Variants in NUTM2E observed in about 807,000 individuals in gnomAD.
The protein encoded by NUTM2E is family with sequence similarity 22, member E.
A neutral mutation model predicts 26.1 loss-of-function variants in NUTM2E; 3 were observed. The observed-to-expected ratio is 0.12, with a 90% confidence interval of 0.05 to 0.30. The LOEUF (loss-of-function observed/expected upper bound fraction) is 0.30. Among genes scored for constraint, NUTM2E ranks in the 10% least tolerant of loss-of-function variants. The pLI is 1.00. For synonymous variants in NUTM2E, 13 were observed against 157.5 expected, an observed-to-expected ratio of 0.08 and a Z score of 6.87; for missense variants, 62 against 381.3, an observed-to-expected ratio of 0.16 and a Z score of 6.97.
rs543457176 is a variant in NUTM2E at position 79,838,346 on chromosome 10, G to C, written c.-2690G>C. Among the ~76,000 whole-genome samples the C allele has an allele frequency of 5.2e-4, 41 of 78,492 alleles. 1 individual carries two copies. Among genetic ancestry groups the C allele is most frequent in the African/African-American group, 1.7e-3 (41 of 24,438 alleles). 51.5% of individuals were successfully genotyped at this position (78,492 alleles called of 152,430 possible). A position where few individuals can be genotyped will look rare whatever the true frequency, so the allele number is the denominator to read the frequency against. On this transcript the variant is annotated 5_prime_UTR_variant, in exon 2 of 10. The change abolishes an upstream ATG in the 5' untranslated region. Transcript: ENST00000429984. ...GTGACAAATCAGTGTATTAGAACAT[G>C]CATGCTGGCTGATCATTCTGATCAA...
intron 1 of NUTM2E, among the ~76,000 whole-genome samples, chr10:79,833,231 C>T (rs2260565): frequency 5.9e-5 from 9 of 151,836 alleles, no homozygotes; most frequent in South Asian, 2.1e-4. Context: ...AGATTTAAAG[C>T]GTTACCATTA....
chr10:79,834,176 T>C (rs1589306970), intron 1 of NUTM2E, among the ~76,000 whole-genome samples: 1 of 147,712 alleles, frequency 6.8e-6, no homozygotes, highest in African/African-American at 2.5e-5. Context: ...CGTGGGCACA[T>C]GGAGGGAAAC....
At chr10:79,833,505 C>A (rs1033156864) in intron 1 of NUTM2E, among the ~76,000 whole-genome samples, 1 of 151,394 alleles carries the variant, frequency 6.6e-6, no homozygotes, top group Admixed American at 6.6e-5. Context: ...AGAATTTAAA[C>A]AAATTCACAA....
chr10:79,830,460 G>A (rs878879016), intron 1 of NUTM2E, among the ~76,000 whole-genome samples: 3 of 151,676 alleles, frequency 2.0e-5, no homozygotes, highest in Non-Finnish European at 2.9e-5. Context: ...GTAAAAACAC[G>A]TAAAATAACT....
chr10:79,834,815 T>TAC (rs71925965), intron 1 of NUTM2E, among the ~76,000 whole-genome samples: 4,498 of 145,876 alleles, frequency 0.031, 195 homozygotes, highest in African/African-American at 0.089. Context: ...ACAGAATACC[T>TAC]ACACACACAC....
chr10:79,827,795 GTTTT>G (rs57414762), intron 1 of NUTM2E, among the ~76,000 whole-genome samples: 19 of 127,762 alleles, frequency 1.5e-4, no homozygotes, highest in East Asian at 4.6e-4. Flanking sequence ...TTTTTTTTTT[GTTTT>G]TTTTTTTTTG....
intron 1 of NUTM2E, chr10:79,827,687 C>G (rs1396015461): frequency 1.3e-5 from 2 of 150,194 alleles, no homozygotes; most frequent in African/African-American, 4.9e-5. Flanking sequence ...CCAGAAAGAA[C>G]TAACAAATTC....
chr10:79,849,057 GGTTT>G (rs1183436121), intron 8 of NUTM2E, among the ~76,000 whole-genome samples, 162 bp downstream of exon 8: 2 of 112,256 alleles, frequency 1.8e-5, no homozygotes, highest in Admixed American at 8.5e-5. Context: ...TTGTGTCTGT[GGTTT>G]GTTACTGTGT....
In NUTM2E at chr10:79,830,045, A is replaced by G. The variant is rs189952695; in HGVS notation, c.-2728+2688A>G. Among the ~76,000 whole-genome samples, 166 of 151,892 alleles carry G rather than the reference A, an allele frequency of 1.1e-3. 1 individual carries two copies. Among genetic ancestry groups the G allele is most frequent in the African/African-American group, 3.8e-3 (157 of 41,492 alleles). On this transcript the variant is annotated intron_variant, in intron 1 of 9. Transcript: ENST00000429984. The stretch of plus-strand genomic sequence containing the variant: ...ATACCTTTTAAAATAATAATGATAT[A>G]TTTATAATCATCCTAGTATGATTTA...
chr10:79,836,755 T>A (rs1411555854), intron 1 of NUTM2E, among the ~76,000 whole-genome samples: 1 of 151,980 alleles, frequency 6.6e-6, no homozygotes, highest in East Asian at 1.9e-4. Context: ...AAACTGCCTG[T>A]ACAATTAATT....
At chr10:79,832,469 TA>T (rs1269178551) in intron 1 of NUTM2E, among the ~76,000 whole-genome samples, 1 of 151,730 alleles carries the variant, frequency 6.6e-6, no homozygotes, top group African/African-American at 2.4e-5. Context: ...GGTATTTCAG[TA>T]TGAGGCATAG....
chr10:79,828,862 T>G (rs181789962), intron 1 of NUTM2E, among the ~76,000 whole-genome samples: 2 of 151,964 alleles, frequency 1.3e-5, no homozygotes, highest in African/African-American at 4.8e-5. Context: ...TTACTGTAAC[T>G]GGGCCACAGT....
At chr10:79,832,304 A>ATGTGTGTGTGCATG (rs1385604441) in intron 1 of NUTM2E, among the ~76,000 whole-genome samples, 1 of 151,304 alleles carries the variant, frequency 6.6e-6, no homozygotes. Flanking sequence ...GGAGATGTCT[A>ATGTGTGTGTGCATG]TGTGTGTGTG....
chr10:79,834,282 C>T, intron 1 of NUTM2E, among the ~76,000 whole-genome samples: 1 of 151,582 alleles, frequency 6.6e-6, no homozygotes, highest in Non-Finnish European at 1.5e-5. Flanking sequence ...GGGCAGCAAA[C>T]CATCATGGCA....
At chr10:79,837,581 T>A (rs1564742303) in intron 1 of NUTM2E, among the ~76,000 whole-genome samples, 1 of 152,096 alleles carries the variant, frequency 6.6e-6, no homozygotes, top group Non-Finnish European at 1.5e-5. Context: ...GATGCTAGTG[T>A]CAATGAGATC....
intron 1 of NUTM2E, among the ~76,000 whole-genome samples, chr10:79,837,465 T>C (rs1275334225): frequency 6.6e-6 from 1 of 152,164 alleles, no homozygotes; most frequent in Non-Finnish European, 1.5e-5. Flanking sequence ...TTTGATTTGA[T>C]GAGCAAATGG....
intron 1 of NUTM2E, among the ~76,000 whole-genome samples, chr10:79,832,695 TAAC>T (rs1018574089): frequency 2.0e-5 from 3 of 151,676 alleles, no homozygotes; most frequent in Admixed American, 6.6e-5. Context: ...AGAACTGAAA[TAAC>T]AAATGCATAT....
At chr10:79,845,489 A>G (rs1480511119) in intron 5 of NUTM2E, among the ~76,000 whole-genome samples, 16 of 109,032 alleles carry the variant, frequency 1.5e-4, no homozygotes, top group African/African-American at 4.0e-4. Context: ...GAGCTCACAT[A>G]TGACATGCAT....
At chr10:79,828,055 A>C (rs1359467925) in intron 1 of NUTM2E, among the ~76,000 whole-genome samples, 1 of 151,622 alleles carries the variant, frequency 6.6e-6, no homozygotes, top group Admixed American at 6.6e-5. Context: ...TCGGCCTCCC[A>C]AAGTGCTGGG....
Sources: gnomAD v4.1 joint callset for allele counts (sites outside exome capture counted in the v4.1 genomes callset) on GRCh38, gnomAD v4.1.1 for gene constraint, MANE v1.5 for transcripts, NCBI Gene and HGNC (gene_info 2026-07-23, HGNC 2026-07-21) for gene names.